Variants in ZFPM2 observed in about 807,000 individuals in gnomAD.
ZFPM2 encodes the protein zinc finger protein, FOG family member 2.
In ZFPM2, 20 loss-of-function variants were observed where a neutral mutation model predicts 98.6. The ratio of observed to expected loss-of-function variants is 0.20; its 90% CI spans 0.14 to 0.29. The LOEUF is 0.29. Among genes scored for constraint, ZFPM2 ranks in the 10% least tolerant of loss-of-function variants. The pLI is 1.00. For synonymous variants in ZFPM2, 518 were observed against 502.7 expected, an observed-to-expected ratio of 1.03 and a Z score of -0.41; for missense variants, 1,310 against 1,388.6, an observed-to-expected ratio of 0.94 and a Z score of 0.90.
chr8:105,518,857 T>C (rs1813992348), intron 3 of ZFPM2, among the ~76,000 whole-genome samples: 1 of 152,232 alleles, frequency 6.6e-6, no homozygotes, highest in African/African-American at 2.4e-5. Context: ...TGTAGATTAC[T>C]TTGTGATATA....
chr8:105,620,471 A>G (rs1816515391), intron 4 of ZFPM2, among the ~76,000 whole-genome samples: 1 of 152,164 alleles, frequency 6.6e-6, no homozygotes, highest in Non-Finnish European at 1.5e-5. Context: ...ATGTTCTCCC[A>G]TTCTGTAGGT....
At chr8:105,591,868 A>G (rs188708029) in intron 4 of ZFPM2, among the ~76,000 whole-genome samples, 26 of 152,300 alleles carry the variant, frequency 1.7e-4, no homozygotes, top group Middle Eastern at 3.4e-3. Flanking sequence ...CCACAGAAGT[A>G]AAATATAATA....
chr8:105,322,147 A>G (rs1563602920), intron 1 of ZFPM2, among the ~76,000 whole-genome samples: 1 of 152,080 alleles, frequency 6.6e-6, no homozygotes, highest in Non-Finnish European at 1.5e-5. Flanking sequence ...CTATCAGCCC[A>G]TCTCCCCGCA....
intron 5 of ZFPM2, among the ~76,000 whole-genome samples, chr8:105,672,136 T>C (rs575334007): frequency 1.3e-4 from 20 of 152,258 alleles, no homozygotes; most frequent in African/African-American, 4.3e-4. Context: ...TTCTTACTCA[T>C]ATAGCATTTT....
chr8:105,730,130 A>G (rs1811897349), intron 5 of ZFPM2, among the ~76,000 whole-genome samples: 1 of 151,590 alleles, frequency 6.6e-6, no homozygotes, highest in Admixed American at 6.6e-5. Context: ...TAAGACCCTG[A>G]CTTACAGAGG....
intron 5 of ZFPM2, among the ~76,000 whole-genome samples, chr8:105,707,956 G>A (rs911882542): frequency 6.6e-6 from 1 of 152,164 alleles, no homozygotes; most frequent in African/African-American, 2.4e-5. Context: ...GGGTTAGCCT[G>A]AGGAAAATAA....
intron 3 of ZFPM2, among the ~76,000 whole-genome samples, chr8:105,448,541 C>A (rs1812423119): frequency 6.6e-6 from 1 of 151,960 alleles, no homozygotes; most frequent in Middle Eastern, 3.2e-3. Context: ...TCATTTCCCT[C>A]CTGTGGGCTT....
intron 1 of ZFPM2, among the ~76,000 whole-genome samples, chr8:105,334,423 C>G (rs1193241778): frequency 6.6e-6 from 1 of 151,370 alleles, no homozygotes; most frequent in South Asian, 2.1e-4. Flanking sequence ...AAAGTGAGCA[C>G]TCAAGTGAAG....
chr8:105,703,285 C>G lies in ZFPM2; in HGVS notation c.532+68928C>G, dbSNP rs965586365. 2.9e-4 allele frequency among the ~76,000 whole-genome samples: 44 copies of G among 152,196 alleles called. 1 individual carries two copies. The highest frequency in any genetic ancestry group is 1.0e-3 in the African/African-American group (43 of 41,520). The stretch of plus-strand genomic sequence containing the variant: ...GGCACTGCACTTAGTGCTATCCACA[C>G]AAAGATTTAAGCTTTAGGGCCATTT... On this transcript the variant is annotated intron_variant, in intron 5 of 7. Coordinates refer to ENST00000407775, the MANE Select transcript of ZFPM2 (RefSeq NM_012082.4).
chr8:105,539,141 A>G (rs1292464415), intron 3 of ZFPM2, among the ~76,000 whole-genome samples: 1 of 152,166 alleles, frequency 6.6e-6, no homozygotes, highest in East Asian at 1.9e-4. Flanking sequence ...ATGTTCTCCT[A>G]CCTCAAAGAG....
chr8:105,602,708 T>C (rs1816118054), intron 4 of ZFPM2, among the ~76,000 whole-genome samples: 1 of 144,804 alleles, frequency 6.9e-6, no homozygotes, highest in Non-Finnish European at 1.5e-5. Flanking sequence ...CAGATTTGAC[T>C]TGCTTCTGTT....
intron 3 of ZFPM2, among the ~76,000 whole-genome samples, chr8:105,453,308 G>A (rs1382921038): frequency 6.6e-6 from 1 of 152,076 alleles, no homozygotes; most frequent in Non-Finnish European, 1.5e-5. Flanking sequence ...AATGATTTTT[G>A]AGTTCTTATT....
At chr8:105,648,333 G>A (rs1393987329) in intron 5 of ZFPM2, among the ~76,000 whole-genome samples, 1 of 152,150 alleles carries the variant, frequency 6.6e-6, no homozygotes, top group African/African-American at 2.4e-5. Flanking sequence ...TAGGTTGCCT[G>A]TTCACTCCGA....
intron 3 of ZFPM2, among the ~76,000 whole-genome samples, chr8:105,524,014 T>A (rs1054366523): frequency 9.9e-5 from 15 of 152,252 alleles, no homozygotes; most frequent in South Asian, 4.1e-4. Context: ...CTACATCAAT[T>A]TAGAGCTGTA....
chr8:105,568,881 T>G (rs1286420534), intron 4 of ZFPM2, among the ~76,000 whole-genome samples: 8 of 152,100 alleles, frequency 5.3e-5, no homozygotes, highest in Admixed American at 5.2e-4. Flanking sequence ...CTTATAGACT[T>G]TAGGCATTCT....
rs910632602 is a variant in ZFPM2, at chr8:105,596,739, C to CTTTTTTTTT, written c.420+35274_420+35282dup. 9.8e-4 allele frequency among the ~76,000 whole-genome samples: 58 copies of CTTTTTTTTT among 58,936 alleles called. 1 individual carries two copies. The highest frequency in any genetic ancestry group is 1.4e-3 in the Non-Finnish European group (41 of 29,010). The allele number at this position is 58,936 out of a possible 152,430, so 38.7% of individuals were successfully genotyped here. On this transcript the variant is annotated intron_variant, in intron 4 of 7. Coordinates refer to ENST00000407775, the MANE Select transcript of ZFPM2 (RefSeq NM_012082.4). ...CTCTGGGTAAGGCTGCCTTTGTCTG[C>CTTTTTTTTT]TTTTTTTTTTTTTTTTTTTTTTTTA...
chr8:105,719,368 C>A (rs1341035408), intron 5 of ZFPM2, among the ~76,000 whole-genome samples: 1 of 151,912 alleles, frequency 6.6e-6, no homozygotes, highest in Non-Finnish European at 1.5e-5. Flanking sequence ...CACACACATA[C>A]AACCACATAC....
chr8:105,464,048 C>T (rs1438886455), intron 3 of ZFPM2, among the ~76,000 whole-genome samples: 2 of 152,062 alleles, frequency 1.3e-5, no homozygotes, highest in Non-Finnish European at 2.9e-5. Context: ...TGCAGAACAG[C>T]CTTCTTATCT....
intron 2 of ZFPM2, among the ~76,000 whole-genome samples, chr8:105,440,694 A>C (rs528193353): frequency 6.6e-6 from 1 of 152,236 alleles, no homozygotes; most frequent in Non-Finnish European, 1.5e-5. Context: ...ATGCAGGAGC[A>C]GGAGGGCACC....
Sources: allele counts gnomAD v4.1 joint callset (sites outside exome capture counted in the v4.1 genomes callset), GRCh38; gene constraint gnomAD v4.1.1; transcripts MANE v1.5; gene names NCBI Gene and HGNC (gene_info 2026-07-23, HGNC 2026-07-21).